TSNARE1: variants seen among roughly 807,000 people sequenced by gnomAD.
TSNARE1 encodes t-SNARE domain-containing protein 1.
Under a neutral mutation model 62.0 loss-of-function variants are expected in TSNARE1, and 49 were observed. That is an observed-to-expected ratio of 0.79 (90% CI 0.63 to 1.00). TSNARE1 has a LOEUF of 1.00. Ranked by LOEUF, TSNARE1 falls within the 50% of genes least tolerant of loss-of-function variation. TSNARE1 has a pLI of 0.00. For missense variants in TSNARE1, 755 were observed against 700.1 expected (o/e 1.08, Z -0.88); for synonymous variants, 328 against 294.4 (o/e 1.11, Z -1.17).
chr8:142,391,900 C>T (rs973568701), intron 1 of TSNARE1, among the ~76,000 whole-genome samples: 9 of 152,228 alleles, frequency 5.9e-5, no homozygotes, highest in Non-Finnish European at 8.8e-5. Context: ...ACAAGCCTAG[C>T]GGGTGTAAGC....
intron 12 of TSNARE1, among the ~76,000 whole-genome samples, chr8:142,250,864 G>A (rs73364663): frequency 0.02 from 3,027 of 152,330 alleles, 84 homozygotes; most frequent in African/African-American, 0.07. Context: ...GCCGACGGAC[G>A]AGGGGCTAGC....
intron 12 of TSNARE1, among the ~76,000 whole-genome samples, chr8:142,267,727 G>A (rs1043201019): frequency 6.6e-6 from 1 of 152,182 alleles, no homozygotes; most frequent in Non-Finnish European, 1.5e-5. Context: ...GCCACAGAAT[G>A]CCACATCCTA....
At chr8:142,307,850 A>T (rs1826940248) in intron 9 of TSNARE1, among the ~76,000 whole-genome samples, 1 of 152,206 alleles carries the variant, frequency 6.6e-6, no homozygotes, top group African/African-American at 2.4e-5. Flanking sequence ...AAGGCATGAG[A>T]GTGCAACCGC....
intron 13 of TSNARE1, among the ~76,000 whole-genome samples, chr8:142,216,183 T>C (rs7460924): frequency 0.91 from 137,776 of 152,188 alleles, 62,392 homozygotes; most frequent in Non-Finnish European, 0.92. Flanking sequence ...CAGGGCCCGG[T>C]GTAGAAGAAG....
chr8:142,312,772 T>C (rs960816916), intron 9 of TSNARE1, among the ~76,000 whole-genome samples: 2 of 152,030 alleles, frequency 1.3e-5, no homozygotes, highest in Non-Finnish European at 2.9e-5. Flanking sequence ...TTCCTAAGGG[T>C]CCTGAACTCT....
rs73714106 is a variant in TSNARE1, at chr8:142,274,056, C to T, written c.1446+725G>A. On this transcript the variant is annotated intron_variant, in intron 12 of 13. Transcript: ENST00000524325. ...CCAGGGGCTTCTTCTGCGCTCCCACCGTGGCCCATGCCACCCTCACCTTGC... is the reference window on the plus strand; with the variant it reads ...CCAGGGGCTTCTTCTGCGCTCCCACTGTGGCCCATGCCACCCTCACCTTGC... The T allele has an allele frequency of 1.3e-4, 130 of 985,346 alleles. 1 individual carries two copies. In the Middle Eastern group the frequency reaches 2.1e-3, roughly 16 times the overall value. The allele number at this position is 985,346 out of a possible 1,614,324, so 61.0% of individuals were successfully genotyped here.
intron 9 of TSNARE1, 47 bp from the exon 10 acceptor site, chr8:142,300,691 C>A: frequency 6.4e-7 from 1 of 1,571,292 alleles, no homozygotes; most frequent in Non-Finnish European, 8.7e-7. Flanking sequence ...CTCCCATTAC[C>A]ACCACAACCC....
intron 12 of TSNARE1, among the ~76,000 whole-genome samples, chr8:142,235,609 A>C (rs13262595): frequency 6.6e-6 from 1 of 151,912 alleles, no homozygotes; most frequent in Non-Finnish European, 1.5e-5. Flanking sequence ...AAATGTTCAC[A>C]TCAAAAATAC....
intron 13 of TSNARE1, among the ~76,000 whole-genome samples, chr8:142,221,573 A>G (rs1816211961): frequency 6.6e-6 from 1 of 152,204 alleles, no homozygotes; most frequent in Non-Finnish European, 1.5e-5. Flanking sequence ...TGGCTCCAGG[A>G]GCCAGGAGCC....
intron 9 of TSNARE1, among the ~76,000 whole-genome samples, chr8:142,304,577 G>A (rs4976995): frequency 6.6e-6 from 1 of 152,230 alleles, no homozygotes. Flanking sequence ...GAGGGCTCAG[G>A]AACACTGCCC....
chr8:142,260,351 G>A (rs1818795629), intron 12 of TSNARE1, among the ~76,000 whole-genome samples: 1 of 152,122 alleles, frequency 6.6e-6, no homozygotes, highest in Non-Finnish European at 1.5e-5. Flanking sequence ...AAGCGAGTCG[G>A]GAAGTTGAGG....
At chr8:142,298,105 C>T (rs948859779) in intron 10 of TSNARE1, among the ~76,000 whole-genome samples, 2 of 152,200 alleles carry the variant, frequency 1.3e-5, no homozygotes, top group Non-Finnish European at 2.9e-5. Context: ...AGGCAGAGCC[C>T]AGGCCACCTG....
intron 10 of TSNARE1, among the ~76,000 whole-genome samples, chr8:142,293,178 G>A (rs796313151): frequency 5.9e-5 from 9 of 152,310 alleles, no homozygotes; most frequent in South Asian, 2.1e-4. Context: ...CAGTGGCACC[G>A]ACACCCCAGC....
chr8:142,392,623 T>C (rs1837610321), intron 1 of TSNARE1, among the ~76,000 whole-genome samples: 1 of 152,164 alleles, frequency 6.6e-6, no homozygotes, highest in African/African-American at 2.4e-5. Context: ...GTCCTTATGC[T>C]TCACGTGACT....
intron 11 of TSNARE1, 43 bp downstream of exon 11, chr8:142,284,370 C>G (rs1422744675): frequency 6.5e-7 from 1 of 1,535,120 alleles, no homozygotes. Flanking sequence ...GGCAGGCAGG[C>G]CCTCGGGGCA....
intron 12 of TSNARE1, among the ~76,000 whole-genome samples, chr8:142,261,442 G>C (rs1333343168): frequency 6.6e-6 from 1 of 150,702 alleles, no homozygotes; most frequent in African/African-American, 2.4e-5. Flanking sequence ...AGAGAGGGAG[G>C]ACCGGGGAGG....
At position 142,314,430 on chromosome 8, in the gene TSNARE1, T is replaced by A; in HGVS notation, c.1085A>T (p.Glu362Val). ...CYGVVQKKIA[E>V]KSRALLPMAQ... Reference sequence around the variant, plus strand: ...CATGGGAAGCAGCGCTCTGGACTTTTCTGCAATTTTCTGTTGAAAAAAGGA... The same window carrying A: ...CATGGGAAGCAGCGCTCTGGACTTTACTGCAATTTTCTGTTGAAAAAAGGA... Residue 362 changes from glutamate (E) to valine (V), a missense_variant, in exon 9 of 14, where the codon GAA becomes GTA. Glu to Val is a moderately radical substitution (Grantham distance 121). Coordinates refer to ENST00000524325, the MANE Select transcript of TSNARE1 (RefSeq NM_145003.5). 1 of 1,613,964 alleles carries A rather than the reference T, an allele frequency of 6.2e-7. No homozygotes were observed. Among genetic ancestry groups the A allele is most frequent in the South Asian group, 1.1e-5 (1 of 91,016 alleles).
chr8:142,360,576 G>A (rs556606234), intron 1 of TSNARE1, among the ~76,000 whole-genome samples: 19 of 152,268 alleles, frequency 1.2e-4, no homozygotes, highest in East Asian at 7.7e-4. Context: ...CGTGCCCGCC[G>A]AGGCCAGCCA....
Position 142,389,416 on chromosome 8 carries a change from G to A in TSNARE1, c.-40+13688C>T, listed in dbSNP as rs1321324205. Reference sequence around the variant, plus strand: ...TGGGGTTACAGGATAATTTGGCAATGTACATCAAAATTACAAAAGTGTGTA... The same window carrying A: ...TGGGGTTACAGGATAATTTGGCAATATACATCAAAATTACAAAAGTGTGTA... On this transcript the variant is annotated intron_variant, in intron 1 of 13. Transcript: ENST00000524325. Among the ~76,000 whole-genome samples the A allele has an allele frequency of 3.3e-5, 5 of 152,164 alleles. 1 individual carries two copies. The highest frequency in any genetic ancestry group is 4.1e-4 in the South Asian group (2 of 4,828).
Sources: gnomAD v4.1 joint callset for allele counts (sites outside exome capture counted in the v4.1 genomes callset) on GRCh38, gnomAD v4.1.1 for gene constraint, MANE v1.5 for transcripts, NCBI Gene and HGNC (gene_info 2026-07-23, HGNC 2026-07-21) for gene names.